Variants in ST6GALNAC3 observed in about 807,000 individuals in gnomAD.
ST6GALNAC3 encodes the protein ST6 N-acetylgalactosaminide alpha-2,6-sialyltransferase 3.
A neutral mutation model predicts 32.7 loss-of-function variants in ST6GALNAC3; 25 were observed. The ratio of observed to expected loss-of-function variants is 0.76; its 90% CI spans 0.56 to 1.07. ST6GALNAC3 has a LOEUF of 1.07. ST6GALNAC3 is among the 50% of genes least tolerant of loss of function. The pLI is 0.00. For synonymous variants in ST6GALNAC3, 129 were observed against 133.1 expected (o/e 0.97, Z 0.21); for missense variants, 355 against 382.4 (o/e 0.93, Z 0.60).
intron 3 of ST6GALNAC3, among the ~76,000 whole-genome samples, chr1:76,461,718 G>A (rs1361052054): frequency 6.6e-6 from 1 of 152,156 alleles, no homozygotes; most frequent in Non-Finnish European, 1.5e-5. Context: ...GACAGTAAGT[G>A]TTGTAGTGGC....
intron 1 of ST6GALNAC3, among the ~76,000 whole-genome samples, chr1:76,292,888 C>T (rs1414554751): frequency 6.6e-6 from 1 of 152,124 alleles, no homozygotes; most frequent in African/African-American, 2.4e-5. Context: ...AATCTACCTC[C>T]TTGAACTTCC....
chr1:76,410,183 G>A (rs1654128425), intron 2 of ST6GALNAC3, among the ~76,000 whole-genome samples: 1 of 152,086 alleles, frequency 6.6e-6, no homozygotes. Context: ...GACCCCAAGT[G>A]ATTTCTCCCC....
intron 1 of ST6GALNAC3, among the ~76,000 whole-genome samples, chr1:76,259,341 A>C (rs978713597): frequency 3.3e-5 from 5 of 152,182 alleles, no homozygotes; most frequent in African/African-American, 1.2e-4. Context: ...GGTTCAGAGG[A>C]GATCCAATGT....
At chr1:76,103,520 C>T (rs568090310) in intron 1 of ST6GALNAC3, among the ~76,000 whole-genome samples, 10 of 152,078 alleles carry the variant, frequency 6.6e-5, no homozygotes, top group East Asian at 3.9e-4. Flanking sequence ...AATTTTCATT[C>T]GACTCTCTCT....
chr1:76,185,720 C>A (rs990624341), intron 1 of ST6GALNAC3, among the ~76,000 whole-genome samples: 9 of 152,172 alleles, frequency 5.9e-5, no homozygotes, highest in Non-Finnish European at 1.3e-4. Flanking sequence ...GACGAACAGA[C>A]CAGACATGGT....
chr1:76,114,794 C>T (rs895604263), intron 1 of ST6GALNAC3, among the ~76,000 whole-genome samples: 2 of 151,896 alleles, frequency 1.3e-5, no homozygotes, highest in Non-Finnish European at 2.9e-5. Context: ...CAGCACATGC[C>T]TGTGATCACA....
At chr1:76,389,480 C>A (rs1652370923) in intron 2 of ST6GALNAC3, among the ~76,000 whole-genome samples, 1 of 152,108 alleles carries the variant, frequency 6.6e-6, no homozygotes. Context: ...CCAAGGAATG[C>A]CAGAGAGCAG....
chr1:76,422,554 C>G (rs1407408661), intron 3 of ST6GALNAC3, among the ~76,000 whole-genome samples: 2 of 151,958 alleles, frequency 1.3e-5, no homozygotes, highest in Non-Finnish European at 2.9e-5. Context: ...CAGCGGTTCT[C>G]AAACGTGAGC....
At chr1:76,484,568 A>C (rs1266906971) in intron 3 of ST6GALNAC3, among the ~76,000 whole-genome samples, 5 of 152,162 alleles carry the variant, frequency 3.3e-5, no homozygotes, top group Admixed American at 3.3e-4. Flanking sequence ...TTGCACATTG[A>C]TTTTGTATCC....
At chr1:76,307,738 A>G (rs186826336) in intron 1 of ST6GALNAC3, among the ~76,000 whole-genome samples, 3 of 152,310 alleles carry the variant, frequency 2.0e-5, no homozygotes, top group African/African-American at 7.2e-5. Context: ...TAAAAGTTAA[A>G]GATTTTATTT....
At chr1:76,128,650 T>C (rs532086654) in intron 1 of ST6GALNAC3, among the ~76,000 whole-genome samples, 65 of 152,280 alleles carry the variant, frequency 4.3e-4, no homozygotes, top group Admixed American at 1.6e-3. Flanking sequence ...CTCCCCCAAA[T>C]ATGGAGTGCT....
intron 1 of ST6GALNAC3, among the ~76,000 whole-genome samples, chr1:76,187,884 A>G (rs183717310): frequency 1.2e-4 from 18 of 151,702 alleles, no homozygotes; most frequent in African/African-American, 3.9e-4. Flanking sequence ...GAGCCTCTAT[A>G]CCTCCCTCCA....
intron 3 of ST6GALNAC3, among the ~76,000 whole-genome samples, chr1:76,489,913 G>T (rs999132733): frequency 1.3e-5 from 2 of 152,154 alleles, no homozygotes; most frequent in African/African-American, 4.8e-5. Flanking sequence ...CCCCCGACAG[G>T]CCATTTCTGG....
chr1:76,285,050 C>T (rs1659701027), intron 1 of ST6GALNAC3, among the ~76,000 whole-genome samples: 1 of 152,272 alleles, frequency 6.6e-6, no homozygotes, highest in South Asian at 2.1e-4. Flanking sequence ...AAAGGAAGAT[C>T]TGAGCCCTTC....
In ST6GALNAC3 at chr1:76,606,856, G is replaced by GTTT. The variant is rs545990475; in HGVS notation, c.624-20581_624-20579dup. On this transcript the variant is annotated intron_variant, in intron 3 of 4. Coordinates refer to ENST00000328299, the MANE Select transcript of ST6GALNAC3 (RefSeq NM_152996.4). ...ACAATTCTGGACACCAAATGTGTGG[G>GTTT]TTTTTTTTTTTTTTTTTCATGCCGA... 5.1e-5 allele frequency among the ~76,000 whole-genome samples: 7 copies of GTTT among 136,478 alleles called. No individual in the cohort carries two copies. The East Asian group carries it at 6.5e-4, about 13-fold the overall frequency. The allele number at this position is 136,478 out of a possible 152,430, so 89.5% of individuals were successfully genotyped here. A position where few individuals can be genotyped will look rare whatever the true frequency, so the allele number is the denominator to read the frequency against.
chr1:76,074,772 G>A lies in ST6GALNAC3; in HGVS notation c.-95G>A. 1.5e-6 allele frequency: 2 copies of A among 1,376,840 alleles called. No homozygotes were observed. The highest frequency in any genetic ancestry group is 2.0e-6 in the Non-Finnish European group (2 of 1,001,510). The allele number at this position is 1,376,840 out of a possible 1,614,324, so 85.3% of individuals were successfully genotyped here. ...GATCTGCGGGAATGTGGGCTGGAGAGGTCCTGCCGTGGTACCAGCCTCCAG... is the reference window on the plus strand; with the variant it reads ...GATCTGCGGGAATGTGGGCTGGAGAAGTCCTGCCGTGGTACCAGCCTCCAG... On this transcript the variant is annotated 5_prime_UTR_variant, in exon 1 of 5. Transcript: ENST00000328299.
Position 76,629,608 on chromosome 1 carries a change from G to GT in ST6GALNAC3, c.*803dup. 1 of 984,460 alleles carries GT rather than the reference G, an allele frequency of 1.0e-6. No homozygotes were observed. Among genetic ancestry groups the GT allele is most frequent in the African/African-American group, 1.7e-5 (1 of 57,260 alleles). 61.0% of individuals were successfully genotyped at this position (984,460 alleles called of 1,614,324 possible). On this transcript the variant is annotated 3_prime_UTR_variant, in exon 5 of 5. Transcript: ENST00000328299. ...AATATTTCAGAAGGCTACTTAACAT[G>GT]TAAGATACCAACTTCAACACTGTAA...
intron 3 of ST6GALNAC3, among the ~76,000 whole-genome samples, chr1:76,605,211 TTGATAGAAGATGA>T (rs1410799641): frequency 5.9e-5 from 9 of 152,170 alleles, no homozygotes; most frequent in Non-Finnish European, 1.2e-4. Context: ...CCATCAGATG[TTGATAGAAGATGA>T]TATTTCTGAG....
intron 3 of ST6GALNAC3, among the ~76,000 whole-genome samples, chr1:76,416,368 C>T (rs1362853486): frequency 1.3e-5 from 2 of 151,978 alleles, no homozygotes; most frequent in African/African-American, 4.8e-5. Flanking sequence ...GTTATTAGAA[C>T]TTTTTAGCAA....
Sources: allele counts gnomAD v4.1 joint callset (sites outside exome capture counted in the v4.1 genomes callset), GRCh38; gene constraint gnomAD v4.1.1; transcripts MANE v1.5; gene names NCBI Gene and HGNC (gene_info 2026-07-23, HGNC 2026-07-21).